CSAD: variants seen among roughly 807,000 people sequenced by gnomAD.
The protein encoded by CSAD is P-selectin cytoplasmic tail-associated protein.
A neutral mutation model predicts 61.5 loss-of-function variants in CSAD; 47 were observed. That is an observed-to-expected ratio of 0.76 (90% CI 0.60 to 0.97). CSAD has a LOEUF of 0.97. Ranked by LOEUF, CSAD falls within the 50% of genes least tolerant of loss-of-function variation. The pLI, the probability that CSAD is intolerant of heterozygous loss-of-function variation, is 0.00. For missense variants in CSAD, 611 were observed against 643.6 expected, an observed-to-expected ratio of 0.95 and a Z score of 0.55; for synonymous variants, 245 against 252.7, an observed-to-expected ratio of 0.97 and a Z score of 0.29.
chr12:53,172,936 G>T (rs1940759297), intron 4 of CSAD, among the ~76,000 whole-genome samples: 1 of 152,220 alleles, frequency 6.6e-6, no homozygotes, highest in African/African-American at 2.4e-5. Flanking sequence ...GGCCAGGCGT[G>T]GTAGCTCACG....
intron 10 of CSAD, among the ~76,000 whole-genome samples, chr12:53,165,929 T>C (rs543340823): frequency 2.7e-4 from 41 of 152,308 alleles, no homozygotes; most frequent in African/African-American, 9.1e-4. Context: ...AAATATGGCA[T>C]ATATGTACAA....
chr12:53,180,927 G>A (rs1200080245), upstream of CSAD: 1 of 1,049,884 alleles, frequency 9.5e-7, no homozygotes, highest in Non-Finnish European at 1.2e-6. Context: ...CGCGGGAAGG[G>A]GGAGGGGAGG....
chr12:53,180,624 G>C (rs1436866186), intron 1 of CSAD, 108 bp downstream of exon 1: 1 of 1,283,896 alleles, frequency 7.8e-7, no homozygotes, highest in South Asian at 1.2e-5. Context: ...GCCCCCGCTA[G>C]TCTAGCTGCC....
intron 13 of CSAD, 119 bp from the exon 14 acceptor site, chr12:53,160,438 C>G: frequency 9.6e-7 from 1 of 1,039,864 alleles, no homozygotes; most frequent in South Asian, 1.4e-5. Flanking sequence ...CCAGATGGCA[C>G]TGCTGGGACG....
intron 10 of CSAD, among the ~76,000 whole-genome samples, chr12:53,162,339 G>A (rs938930298): frequency 1.7e-4 from 26 of 151,608 alleles, no homozygotes; most frequent in Non-Finnish European, 7.4e-5. Context: ...GGAGGCCGAC[G>A]CGGGTGGATC....
intron 1 of CSAD, 153 bp downstream of exon 1, chr12:53,180,579 C>G (rs1436736851): frequency 1.6e-6 from 2 of 1,285,244 alleles, no homozygotes; most frequent in Admixed American, 4.6e-5. Flanking sequence ...AGCTGCACCT[C>G]TCCGTGCGTC....
intron 1 of CSAD, chr12:53,180,461 C>A: frequency 8.3e-7 from 1 of 1,202,800 alleles, no homozygotes; most frequent in South Asian, 1.5e-5. Context: ...GCCGAGGGTC[C>A]TGCCCTCAGT....
Position 53,157,785 on chromosome 12 carries a change from T to G in CSAD, c.*726A>C, listed in dbSNP as rs1343533464. 5 of 152,190 alleles carry G rather than the reference T, an allele frequency of 3.3e-5. No homozygotes were observed. Among genetic ancestry groups the G allele is most frequent in the African/African-American group, 7.2e-5 (3 of 41,418 alleles). 9.4% of individuals were successfully genotyped at this position (152,190 alleles called of 1,614,324 possible). On this transcript the variant is annotated 3_prime_UTR_variant, in exon 17 of 17. Coordinates refer to ENST00000444623, the MANE Select transcript of CSAD (RefSeq NM_001244705.2). ...CTATGTTTTTTTTGTTTGTTTGTTT[T>G]TTTAAAGGAGTCTGTTTTAAAATTG...
chr12:53,180,078 C>G, intron 1 of CSAD: 1 of 1,394,104 alleles, frequency 7.2e-7, no homozygotes, highest in South Asian at 1.6e-5. Context: ...CAGAGGAGGG[C>G]TGGGGCTTTG....
At position 53,165,974 on chromosome 12, in the gene CSAD, T is replaced by C. The variant is rs142813269; in HGVS notation, c.702+4098A>G. Among the ~76,000 whole-genome samples, 959 of 152,290 alleles carry C rather than the reference T, an allele frequency of 6.3e-3. 13 individuals are homozygous for C. Among genetic ancestry groups the C allele is most frequent in the African/African-American group, 0.021 (890 of 41,554 alleles). ...ATTCAGCCTTAAAAAGGAAGAAAATTCTCACATGCTACGACGTGGATGAAC... is the reference window on the plus strand; with the variant it reads ...ATTCAGCCTTAAAAAGGAAGAAAATCCTCACATGCTACGACGTGGATGAAC... On this transcript the variant is annotated intron_variant, in intron 10 of 16. Coordinates refer to ENST00000444623, the MANE Select transcript of CSAD (RefSeq NM_001244705.2).
intron 10 of CSAD, among the ~76,000 whole-genome samples, chr12:53,162,993 G>A (rs1434254485): frequency 5.3e-5 from 8 of 151,732 alleles, no homozygotes; most frequent in Non-Finnish European, 1.0e-4. Flanking sequence ...CCCGGGAGGC[G>A]GAGGTTGCTG....
chr12:53,178,992 T>C (rs890174920), intron 2 of CSAD, 110 bp downstream of exon 2: 1 of 152,182 alleles, frequency 6.6e-6, no homozygotes, highest in African/African-American at 2.4e-5. Context: ...TAGCTGGGAT[T>C]ACAGGCATGT....
intron 5 of CSAD, 21 bp from the exon 6 acceptor site, chr12:53,172,457 A>T (rs745833958): frequency 2.5e-6 from 4 of 1,613,944 alleles, no homozygotes; most frequent in Non-Finnish European, 3.4e-6. Context: ...AGAGTAAGCC[A>T]GGGAGCTCAG....
chr12:53,178,324 CA>C (rs752873230), intron 2 of CSAD: 161 of 388,814 alleles, frequency 4.1e-4, no homozygotes, highest in Admixed American at 8.7e-4. Flanking sequence ...AACAAAAAAA[CA>C]AAAAAAAAAC....
intron 1 of CSAD, chr12:53,180,330 C>T (rs1221747465): frequency 1.9e-5 from 19 of 985,276 alleles, no homozygotes; most frequent in Non-Finnish European, 2.2e-5. Flanking sequence ...GGCGCCGGCT[C>T]AGAGCGATGG....
chr12:53,162,568 T>G (rs181657588), intron 10 of CSAD, among the ~76,000 whole-genome samples: 60 of 152,188 alleles, frequency 3.9e-4, no homozygotes, highest in Admixed American at 2.9e-3. Context: ...ACTCTGTCTC[T>G]AAATAAATAA....
intron 12 of CSAD, 122 bp downstream of exon 12, chr12:53,161,005 C>T: frequency 8.5e-7 from 1 of 1,170,592 alleles, no homozygotes; most frequent in Non-Finnish European, 1.2e-6. Context: ...CCAATCAATC[C>T]TCTCTCCAGT....
In CSAD at chr12:53,171,232, T is replaced by C. The variant is rs540757605; in HGVS notation, c.567+94A>G. The C allele has an allele frequency of 7.0e-6, 11 of 1,581,754 alleles. No homozygotes were observed. In the African/African-American group the frequency reaches 1.3e-4, roughly 19 times the overall value. On this transcript the variant is annotated intron_variant, in intron 8 of 16. Transcript: ENST00000444623. Reference sequence around the variant, plus strand: ...GGGGGCAGGCTGGCCTTGGAGGATGTAGGGAGGGCAGGGAGAAGACCTGGA... The same window carrying C: ...GGGGGCAGGCTGGCCTTGGAGGATGCAGGGAGGGCAGGGAGAAGACCTGGA...
chr12:53,160,448 G>T, intron 13 of CSAD, 129 bp from the exon 14 acceptor site: 1 of 949,670 alleles, frequency 1.1e-6, no homozygotes, highest in Non-Finnish European at 1.6e-6. Flanking sequence ...CTGCTGGGAC[G>T]GCTGCCTGCT....
Sources: gnomAD v4.1 joint callset for allele counts (sites outside exome capture counted in the v4.1 genomes callset) on GRCh38, gnomAD v4.1.1 for gene constraint, MANE v1.5 for transcripts, NCBI Gene and HGNC (gene_info 2026-07-23, HGNC 2026-07-21) for gene names.